PTPRD: variants seen among roughly 807,000 people sequenced by gnomAD.
PTPRD encodes receptor-type tyrosine-protein phosphatase delta.
PTPRD carries 34 observed loss-of-function variants against 214.5 expected under a neutral mutation model. That is an observed-to-expected ratio of 0.16 (90% confidence interval 0.12 to 0.21). The LOEUF is 0.21. Ranked by LOEUF, PTPRD falls within the 10% of genes least tolerant of loss-of-function variation. The pLI is 1.00. For synonymous variants in PTPRD, 1,128 were observed against 845.7 expected (o/e 1.33, Z -5.79); for missense variants, 2,545 against 2,398.7 (o/e 1.06, Z -1.27).
intron 3 of PTPRD, among the ~76,000 whole-genome samples, chr9:10,067,914 A>G (rs2154176343): frequency 6.6e-6 from 1 of 152,034 alleles, no homozygotes; most frequent in East Asian, 1.9e-4. Context: ...ATTTCAATCT[A>G]CCCATGTGAT....
At chr9:10,103,441 C>A (rs955692493) in intron 3 of PTPRD, among the ~76,000 whole-genome samples, 4 of 138,554 alleles carry the variant, frequency 2.9e-5, no homozygotes, top group African/African-American at 1.1e-4. Flanking sequence ...TGAATAAAAA[C>A]CACATTCCAC....
intron 7 of PTPRD, among the ~76,000 whole-genome samples, chr9:9,593,031 C>A (rs2092900273): frequency 7.1e-6 from 1 of 140,548 alleles, no homozygotes; most frequent in Admixed American, 7.6e-5. Flanking sequence ...GGTGAGAGAG[C>A]AAGACTCTGT....
chr9:9,459,256 G>C (rs2093404496), intron 8 of PTPRD, among the ~76,000 whole-genome samples: 1 of 151,020 alleles, frequency 6.6e-6, no homozygotes, highest in Non-Finnish European at 1.5e-5. Flanking sequence ...ATACTGAATG[G>C]GGAAAAGCTG....
chr9:8,865,153 T>TTTA (rs1555451622), intron 11 of PTPRD, among the ~76,000 whole-genome samples: 56 of 151,492 alleles, frequency 3.7e-4, no homozygotes, highest in Non-Finnish European at 7.4e-4. Context: ...CTATCATTCT[T>TTTA]TCTTTAATCA....
At chr9:8,576,005 C>T (rs2092304733) in intron 14 of PTPRD, among the ~76,000 whole-genome samples, 1 of 152,134 alleles carries the variant, frequency 6.6e-6, no homozygotes, top group African/African-American at 2.4e-5. Flanking sequence ...TGAGATAGTC[C>T]TAACAGCCTT....
intron 33 of PTPRD, among the ~76,000 whole-genome samples, chr9:8,450,475 C>G (rs1427176685): frequency 6.6e-6 from 1 of 152,148 alleles, no homozygotes; most frequent in Admixed American, 6.5e-5. Flanking sequence ...CAGTGTTAAG[C>G]TAACTGTGAT....
rs115453689 is a variant in PTPRD, at chr9:8,656,914, A to G, written c.65-20070T>C. Among the ~76,000 whole-genome samples the G allele has an allele frequency of 5.2e-3, 792 of 152,304 alleles. 14 individuals are homozygous for G. The highest frequency in any genetic ancestry group is 0.018 in the African/African-American group (764 of 41,564). On this transcript the variant is annotated intron_variant, in intron 12 of 45. Transcript: ENST00000381196. ...TACAAGAAAACTGGAACACCCTGAA[A>G]TCACATAGCTTTACATCACAGAAAT...
chr9:8,456,010 G>T, intron 33 of PTPRD, among the ~76,000 whole-genome samples: 1 of 152,238 alleles, frequency 6.6e-6, no homozygotes, highest in Non-Finnish European at 1.5e-5. Flanking sequence ...ATTATAGGCC[G>T]AGGATTTTAT....
intron 7 of PTPRD, among the ~76,000 whole-genome samples, chr9:9,717,046 A>T (rs7031741): frequency 0.72 from 109,794 of 151,710 alleles, 40,517 homozygotes; most frequent in Middle Eastern, 0.86. Context: ...AAGGAAGGGA[A>T]CCAGTTTCAG....
chr9:8,353,894 A>ATATATGTG, intron 39 of PTPRD, among the ~76,000 whole-genome samples: 2 of 144,690 alleles, frequency 1.4e-5, no homozygotes, highest in African/African-American at 5.1e-5. Flanking sequence ...GTATATATGT[A>ATATATGTG]TATATGTATA....
chr9:8,879,987 G>C (rs2098428633), intron 11 of PTPRD, among the ~76,000 whole-genome samples: 1 of 152,162 alleles, frequency 6.6e-6, no homozygotes, highest in Non-Finnish European at 1.5e-5. Context: ...CCTTAAGTCA[G>C]AGTTTTCAAT....
chr9:9,563,850 C>T (rs1375356615), intron 8 of PTPRD, among the ~76,000 whole-genome samples: 1 of 152,102 alleles, frequency 6.6e-6, no homozygotes, highest in Admixed American at 6.5e-5. Flanking sequence ...ACATGCTTTA[C>T]CTGAGCATTT....
chr9:10,596,854 A>T (rs77135788), intron 2 of PTPRD, among the ~76,000 whole-genome samples: 2,253 of 151,744 alleles, frequency 0.015, 51 homozygotes, highest in African/African-American at 0.05. Flanking sequence ...GTTACACTGC[A>T]TGAACATGAA....
intron 2 of PTPRD, among the ~76,000 whole-genome samples, chr9:10,558,237 CA>C (rs2063069452): frequency 6.6e-6 from 1 of 152,054 alleles, no homozygotes; most frequent in Non-Finnish European, 1.5e-5. Context: ...CTAATACACT[CA>C]ATATATTGAA....
intron 11 of PTPRD, among the ~76,000 whole-genome samples, chr9:8,848,180 G>A (rs552277943): frequency 3.3e-5 from 5 of 151,916 alleles, no homozygotes; most frequent in Admixed American, 6.6e-5. Flanking sequence ...GAAAAAAAAG[G>A]TCATCGAATC....
chr9:9,817,909 G>A (rs2153563398), intron 5 of PTPRD, among the ~76,000 whole-genome samples: 1 of 152,268 alleles, frequency 6.6e-6, no homozygotes, highest in East Asian at 1.9e-4. Context: ...CAATGTACAG[G>A]ATACTCCACC....
chr9:9,545,996 G>C (rs934305812), intron 8 of PTPRD, among the ~76,000 whole-genome samples: 5 of 151,318 alleles, frequency 3.3e-5, no homozygotes, highest in Admixed American at 1.3e-4. Flanking sequence ...CATAGATCTT[G>C]TCCATATTTT....
At chr9:10,376,208 C>T (rs1297136203) in intron 2 of PTPRD, among the ~76,000 whole-genome samples, 2 of 151,686 alleles carry the variant, frequency 1.3e-5, no homozygotes, top group Non-Finnish European at 2.9e-5. Context: ...GAAGTCATTT[C>T]TTATCAGGTA....
intron 3 of PTPRD, among the ~76,000 whole-genome samples, chr9:10,181,929 G>A (rs2099292720): frequency 9.3e-6 from 1 of 107,140 alleles, no homozygotes; most frequent in South Asian, 3.3e-4. Flanking sequence ...ATATGACTAT[G>A]TATCATAAAT....
Sources: allele counts gnomAD v4.1 joint callset (sites outside exome capture counted in the v4.1 genomes callset), GRCh38; gene constraint gnomAD v4.1.1; transcripts MANE v1.5; gene names NCBI Gene and HGNC (gene_info 2026-07-23, HGNC 2026-07-21).